Variants in OR51B5 observed in about 807,000 individuals in gnomAD.
OR51B5 encodes the protein olfactory receptor family 51 subfamily B member 5.
For missense variants in OR51B5, 456 were observed against 374.6 expected (o/e 1.22, Z -1.79); for synonymous variants, 186 against 144.8 (o/e 1.28, Z -2.04).
intron 1 of OR51B5, among the ~76,000 whole-genome samples, chr11:5,500,506 A>G (rs1846275528): frequency 6.7e-6 from 1 of 148,544 alleles, no homozygotes; most frequent in South Asian, 2.1e-4. Context: ...TTAGTTTGGG[A>G]CCTTCATAAA....
chr11:5,467,310 G>A (rs1006710256), intron 1 of OR51B5, among the ~76,000 whole-genome samples: 2 of 152,144 alleles, frequency 1.3e-5, no homozygotes, highest in African/African-American at 4.8e-5. Context: ...AGACGTTCAG[G>A]GGGTGTTTGG....
chr11:5,502,421 T>A (rs543561362), intron 1 of OR51B5, among the ~76,000 whole-genome samples: 4 of 152,322 alleles, frequency 2.6e-5, no homozygotes, highest in South Asian at 2.1e-4. Flanking sequence ...ATGAGACATT[T>A]TTCCCCTAGC....
At chr11:5,389,353 T>A in intron 1 of OR51B5, 5 of 1,571,820 alleles carry the variant, frequency 3.2e-6, no homozygotes, top group South Asian at 1.2e-5. Context: ...AGCTGAAGAA[T>A]TAATAACCAG....
At position 5,454,410 on chromosome 11, in the gene OR51B5, CA is replaced by C. The variant is rs79947333; in HGVS notation, n.84+51158del. The stretch of plus-strand genomic sequence containing the variant: ...CCGCCGAGCCATTTTCCGCATGTTT[CA>C]CCACATCAAAATATGACTTTCACAC... On this transcript the variant is annotated intron_variant and non_coding_transcript_variant, in intron 1 of 4. Coordinates refer to the OR51B5 transcript ENST00000415970. The C allele has an allele frequency of 0.011, 17,813 of 1,606,774 alleles. 1,650 individuals are homozygous for C. In the African/African-American group the frequency reaches 0.2, roughly 18 times the overall value.
chr11:5,464,556 G>A lies in OR51B5; in HGVS notation n.84+41013C>T, dbSNP rs373224390. Among the ~76,000 whole-genome samples, 1,439 of 150,998 alleles carry A rather than the reference G, an allele frequency of 9.5e-3. 8 individuals are homozygous for A. Among genetic ancestry groups the A allele is most frequent in the Non-Finnish European group, 0.016 (1,078 of 67,842 alleles). ...GTGGTGTTTGGTTTTTTGTTCTTGC[G>A]ATAGTTTACTGAGAATGATGATTTC... On this transcript the variant is annotated intron_variant and non_coding_transcript_variant, in intron 1 of 4. Transcript: ENST00000415970.
intron 1 of OR51B5, among the ~76,000 whole-genome samples, chr11:5,415,967 CA>C: frequency 7.2e-6 from 1 of 139,718 alleles, no homozygotes; most frequent in Non-Finnish European, 1.6e-5. Context: ...GGCAGAGACA[CA>C]ACCAAAAAAG....
chr11:5,393,539 T>A (rs1849827734), intron 1 of OR51B5, among the ~76,000 whole-genome samples: 1 of 152,188 alleles, frequency 6.6e-6, no homozygotes, highest in Non-Finnish European at 1.5e-5. Context: ...ATTTCGGTTT[T>A]ATAATCTAAA....
intron 1 of OR51B5, among the ~76,000 whole-genome samples, chr11:5,452,453 C>T (rs990286737): frequency 2.4e-5 from 3 of 125,010 alleles, no homozygotes; most frequent in African/African-American, 6.1e-5. Context: ...TGCAGTGAGC[C>T]GAGATTGCAC....
At chr11:5,451,137 T>C (rs186947383) in intron 1 of OR51B5, among the ~76,000 whole-genome samples, 1 of 152,320 alleles carries the variant, frequency 6.6e-6, no homozygotes, top group Admixed American at 6.5e-5. Context: ...TCATTTTCTT[T>C]CTCAGTATTA....
intron 1 of OR51B5, chr11:5,454,574 C>A: frequency 1.6e-6 from 1 of 625,780 alleles, no homozygotes; most frequent in Admixed American, 3.1e-5. Flanking sequence ...TAACACAAAA[C>A]AAGGAGTTCC....
At chr11:5,490,401 G>A (rs1036700344) in intron 1 of OR51B5, among the ~76,000 whole-genome samples, 37 of 152,126 alleles carry the variant, frequency 2.4e-4, no homozygotes, top group Non-Finnish European at 8.8e-5. Flanking sequence ...TTTTTAAAGT[G>A]CTAGAGATAT....
chr11:5,341,381 T>C (rs1848889447), downstream of OR51B5: 1 of 152,160 alleles, frequency 6.6e-6, no homozygotes, highest in Non-Finnish European at 1.5e-5. Flanking sequence ...AGCAGAAACA[T>C]GAACAATGAG....
intron 1 of OR51B5, among the ~76,000 whole-genome samples, chr11:5,386,297 G>A (rs1401271904): frequency 6.6e-5 from 10 of 152,140 alleles, no homozygotes; most frequent in Non-Finnish European, 1.3e-4. Context: ...GAAGGACCGG[G>A]CTAAAGATGG....
intron 1 of OR51B5, among the ~76,000 whole-genome samples, chr11:5,402,131 C>T (rs1849979912): frequency 6.6e-6 from 1 of 152,016 alleles, no homozygotes; most frequent in Non-Finnish European, 1.5e-5. Flanking sequence ...CCCACCTCAG[C>T]CTCTCAAGTA....
In OR51B5 at chr11:5,420,623, CTG is replaced by C. The variant is rs1310481107; in HGVS notation, n.85-73715_85-73714del. Among the ~76,000 whole-genome samples, 11 of 150,100 alleles carry C rather than the reference CTG, an allele frequency of 7.3e-5. No homozygotes were observed. In the South Asian group the frequency reaches 2.3e-3, roughly 32 times the overall value. ...AAAGATTATATCTACTTGTCTTTCT[CTG>C]TGATTCTTGTCTATTGCTGCTATTT... On this transcript the variant is annotated intron_variant and non_coding_transcript_variant, in intron 1 of 4. Coordinates refer to the OR51B5 transcript ENST00000415970.
chr11:5,453,908 C>G, intron 1 of OR51B5: 1 of 1,614,202 alleles, frequency 6.2e-7, no homozygotes, highest in Non-Finnish European at 8.5e-7. Context: ...CCACTGAAGT[C>G]ATTGCTGCAA....
At chr11:5,346,789 T>C (rs2133682485), upstream of OR51B5, 1 of 152,258 alleles carries the variant, frequency 6.6e-6, no homozygotes, top group Non-Finnish European at 1.5e-5. Flanking sequence ...CCTAGTACAC[T>C]CTTTATATAT....
rs117931041 is a variant in OR51B5 at position 5,463,011 on chromosome 11, G to A, written n.84+42558C>T. Among the ~76,000 whole-genome samples the A allele has an allele frequency of 1.8e-4, 27 of 152,286 alleles. No individual in the cohort carries two copies. The East Asian group carries it at 4.2e-3, about 24-fold the overall frequency. ...AGGACTATTAAGCAAATAGTAACTC[G>A]ACACTTATGTCAGAAATCAAGATTT... On this transcript the variant is annotated intron_variant and non_coding_transcript_variant, in intron 1 of 4. Transcript: ENST00000415970.
chr11:5,398,899 G>A (rs1205608859), intron 1 of OR51B5, among the ~76,000 whole-genome samples: 1 of 152,116 alleles, frequency 6.6e-6, no homozygotes, highest in Non-Finnish European at 1.5e-5. Context: ...AAATTACCCA[G>A]TCTCAGGTAG....
Sources: gnomAD v4.1 joint callset for allele counts (sites outside exome capture counted in the v4.1 genomes callset) on GRCh38, gnomAD v4.1.1 for gene constraint, MANE v1.5 for transcripts, NCBI Gene and HGNC (gene_info 2026-07-23, HGNC 2026-07-21) for gene names.